Variants in LUC7L2 observed in about 807,000 individuals in gnomAD.
LUC7L2 encodes putative RNA-binding protein Luc7-like 2.
A neutral mutation model predicts 52.8 loss-of-function variants in LUC7L2; 25 were observed. That is an observed-to-expected ratio of 0.47 (90% confidence interval 0.34 to 0.66). LUC7L2 has a LOEUF of 0.66. LUC7L2 is among the 30% of genes least tolerant of loss of function. LUC7L2 has a pLI of 0.01. For synonymous variants in LUC7L2, 144 were observed against 160.9 expected (o/e 0.89, Z 0.80); for missense variants, 328 against 497.8 (o/e 0.66, Z 3.25).
At chr7:139,391,356 T>G (rs926180594) in intron 2 of LUC7L2, among the ~76,000 whole-genome samples, 1 of 152,168 alleles carries the variant, frequency 6.6e-6, no homozygotes, top group Non-Finnish European at 1.5e-5. Flanking sequence ...GAACAAATGT[T>G]CAAACACATA....
intron 1 of LUC7L2, among the ~76,000 whole-genome samples, chr7:139,369,703 A>G (rs1800345676): frequency 8.4e-6 from 1 of 119,588 alleles, no homozygotes; most frequent in African/African-American, 6.1e-5. Flanking sequence ...TAACATTTTA[A>G]AAACATTAAT....
At chr7:139,341,610 T>A in intron 1 of LUC7L2, 2 of 1,528,594 alleles carry the variant, frequency 1.3e-6, no homozygotes, top group Non-Finnish European at 1.8e-6. Context: ...GGTGTTTAAT[T>A]CCTGCATTTC....
Position 139,417,594 on chromosome 7 carries a change from AGAG to A in LUC7L2, c.870_872del (p.Arg291del), listed in dbSNP as rs763578594. The stretch of plus-strand genomic sequence containing the variant: ...TCTCGCTCCATGTCACGTGAACGCA[AGAG>A]GAGAACTCGATCCAAATCTCGGGAG... On this transcript the variant is annotated inframe_deletion, in exon 9 of 10. Coordinates refer to ENST00000354926, the MANE Select transcript of LUC7L2 (RefSeq NM_016019.5). 1.2e-6 allele frequency: 2 copies of A among 1,614,072 alleles called. No individual in the cohort carries two copies. Among genetic ancestry groups the A allele is most frequent in the Admixed American group, 1.7e-5 (1 of 59,988 alleles).
At chr7:139,397,966 C>T (rs1450462051) in intron 2 of LUC7L2, among the ~76,000 whole-genome samples, 1 of 152,116 alleles carries the variant, frequency 6.6e-6, no homozygotes, top group African/African-American at 2.4e-5. Flanking sequence ...GTCTTGTCCC[C>T]AGACAAGACT....
At chr7:139,400,249 G>A (rs984357962) in intron 3 of LUC7L2, among the ~76,000 whole-genome samples, 1 of 152,104 alleles carries the variant, frequency 6.6e-6, no homozygotes, top group Non-Finnish European at 1.5e-5. Flanking sequence ...TTGGGAGGCT[G>A]TAATCCCAGC....
At chr7:139,341,704 C>T (rs897822560) in intron 1 of LUC7L2, among the ~76,000 whole-genome samples, 1 of 151,946 alleles carries the variant, frequency 6.6e-6, no homozygotes, top group Admixed American at 6.6e-5. Context: ...AACTCGGGGA[C>T]CAAAGGACCA....
intron 2 of LUC7L2, among the ~76,000 whole-genome samples, chr7:139,377,323 G>T (rs1312930058): frequency 6.6e-6 from 1 of 152,264 alleles, no homozygotes; most frequent in East Asian, 1.9e-4. Flanking sequence ...TCCTGCCTCA[G>T]CCTCCGGTGT....
intron 7 of LUC7L2, among the ~76,000 whole-genome samples, chr7:139,411,255 TAAA>T (rs751226030): frequency 6.6e-6 from 1 of 151,932 alleles, no homozygotes; most frequent in East Asian, 1.9e-4. Context: ...TCAGAAACAT[TAAA>T]AAAAAGTCGT....
intron 1 of LUC7L2, 54 bp downstream of exon 1, chr7:139,360,376 G>T: frequency 6.6e-7 from 1 of 1,523,914 alleles, no homozygotes; most frequent in Non-Finnish European, 8.9e-7. Context: ...ACGGCGAAGG[G>T]AAGGGGTTCC....
intron 8 of LUC7L2, 136 bp downstream of exon 8, chr7:139,412,716 TA>T: frequency 9.7e-7 from 1 of 1,027,228 alleles, no homozygotes; most frequent in African/African-American, 1.7e-5. Context: ...TAATCCCAGC[TA>T]CTCAAGAGGC....
At chr7:139,341,205 G>A in intron 1 of LUC7L2, 3 of 1,101,994 alleles carry the variant, frequency 2.7e-6, no homozygotes, top group Non-Finnish European at 3.7e-6. Flanking sequence ...TTGTTACGGC[G>A]CCCCTGGGCC....
At chr7:139,357,695 ATTT>A (rs11383117), upstream of LUC7L2, among the ~76,000 whole-genome samples, 1 of 143,918 alleles carries the variant, frequency 6.9e-6, no homozygotes. Flanking sequence ...ATTCAAAATA[ATTT>A]TTTTTTTTTT....
chr7:139,401,333 T>A (rs1031283874), intron 3 of LUC7L2, among the ~76,000 whole-genome samples: 1 of 152,262 alleles, frequency 6.6e-6, no homozygotes, highest in African/African-American at 2.4e-5. Context: ...TTTCTTTTTG[T>A]CCATTCAGAT....
chr7:139,358,545 C>G (rs1563253906), upstream of LUC7L2, among the ~76,000 whole-genome samples: 1 of 152,158 alleles, frequency 6.6e-6, no homozygotes, highest in African/African-American at 2.4e-5. Flanking sequence ...TAATGGAACA[C>G]AAATCTCTAT....
At chr7:139,405,604 C>T in intron 4 of LUC7L2, 40 bp from the exon 5 acceptor site, 1 of 1,544,906 alleles carries the variant, frequency 6.5e-7, no homozygotes, top group Non-Finnish European at 8.7e-7. Flanking sequence ...AAAATTCATT[C>T]TCTTGTTTAT....
chr7:139,410,792 A>AT (rs2131301675), intron 7 of LUC7L2, among the ~76,000 whole-genome samples: 2 of 152,310 alleles, frequency 1.3e-5, no homozygotes, highest in African/African-American at 4.8e-5. Context: ...CTTTGAGCAT[A>AT]TTATATACTC....
intron 1 of LUC7L2, among the ~76,000 whole-genome samples, chr7:139,354,059 T>C (rs2131161673): frequency 6.6e-6 from 1 of 151,270 alleles, no homozygotes; most frequent in African/African-American, 2.4e-5. Flanking sequence ...GGGGTTGCAG[T>C]GAGCCGAGAT....
intron 8 of LUC7L2, chr7:139,417,300 C>CAA (rs1795665624): frequency 2.3e-6 from 1 of 431,700 alleles, no homozygotes; most frequent in Non-Finnish European, 4.1e-6. Flanking sequence ...CTCAGACTCC[C>CAA]AAAGTGTTGG....
chr7:139,407,000 GGTTTTT>G (rs1393530228), intron 5 of LUC7L2, among the ~76,000 whole-genome samples, 168 bp from the exon 6 acceptor site: 2 of 111,624 alleles, frequency 1.8e-5, no homozygotes, highest in African/African-American at 7.5e-5. Flanking sequence ...ATGCTTTTGT[GGTTTTT>G]TTTTTTTTTT....
Sources: allele counts gnomAD v4.1 joint callset (sites outside exome capture counted in the v4.1 genomes callset), GRCh38; gene constraint gnomAD v4.1.1; transcripts MANE v1.5; gene names NCBI Gene and HGNC (gene_info 2026-07-23, HGNC 2026-07-21).